Variants in RPL8 observed in about 807,000 individuals in gnomAD.
RPL8 encodes the protein large ribosomal subunit protein uL2.
For missense variants in RPL8, 248 were observed against 365.9 expected (o/e 0.68, Z 2.63); for synonymous variants, 182 against 143.2 (o/e 1.27, Z -1.94).
At position 144,792,380 on chromosome 8, in the gene RPL8, G is replaced by A. The variant is rs1266936034; in HGVS notation, c.-251C>T. 2 of 654,804 alleles carry A rather than the reference G, an allele frequency of 3.1e-6. No individual in the cohort carries two copies. The highest frequency in any genetic ancestry group is 3.6e-5 in the East Asian group (1 of 27,440). The allele number at this position is 654,804 out of a possible 1,614,324, so 40.6% of individuals were successfully genotyped here. ...GGATGACCTACCTGTTCACCAGCGC[G>A]GCCGAAAGAGGAAACACGGCGTCAG... On this transcript the variant is annotated 5_prime_UTR_variant, in exon 1 of 5. Coordinates refer to ENST00000528957, the MANE Select transcript of RPL8 (RefSeq NM_001317782.2).
Position 144,789,777 on chromosome 8 carries a change from A to G in RPL8, c.*27T>C. On this transcript the variant is annotated 3_prime_UTR_variant, in exon 5 of 5. Transcript: ENST00000528957. ...GGGTGGGCACAGCCAGGTGGCATAA[A>G]CACAAACTTTATTGAGGCCCTCAGC... 1 of 1,613,366 alleles carries G rather than the reference A, an allele frequency of 6.2e-7. No homozygotes were observed. The highest frequency in any genetic ancestry group is 8.5e-7 in the Non-Finnish European group (1 of 1,179,800).
At chr8:144,791,186 C>T in intron 3 of RPL8, 91 bp downstream of exon 3, 1 of 1,305,932 alleles carries the variant, frequency 7.7e-7, no homozygotes, top group Non-Finnish European at 1.1e-6. Context: ...TAATCGAATT[C>T]CAGGGACCAA....
chr8:144,791,687 T>C, intron 2 of RPL8, 86 bp downstream of exon 2: 1 of 1,587,488 alleles, frequency 6.3e-7, no homozygotes, highest in African/African-American at 1.3e-5. Context: ...CCTGCGAGGT[T>C]CCCATATCGG....
rs1261039874 is a variant in RPL8 at position 144,792,183 on chromosome 8, C to G, written c.-54G>C. Reference sequence around the variant, plus strand: ...TTAGCGCGGCCGGGCGGCCCGGGTACCCCCGCCAGCCCGGCTTTCCGGGAC... The same window carrying G: ...TTAGCGCGGCCGGGCGGCCCGGGTAGCCCCGCCAGCCCGGCTTTCCGGGAC... On this transcript the variant is annotated 5_prime_UTR_variant, in exon 1 of 5. Transcript: ENST00000528957. 2.1e-6 allele frequency: 3 copies of G among 1,432,410 alleles called. No homozygotes were observed. Among genetic ancestry groups the G allele is most frequent in the South Asian group, 1.5e-5 (1 of 67,630 alleles). The allele number at this position is 1,432,410 out of a possible 1,614,324, so 88.7% of individuals were successfully genotyped here. A position where few individuals can be genotyped will look rare whatever the true frequency, so the allele number is the denominator to read the frequency against.
chr8:144,792,140 C>T lies in RPL8; in HGVS notation c.-11G>A, dbSNP rs747305668. The T allele has an allele frequency of 2.0e-6, 3 of 1,493,320 alleles. 1 individual carries two copies. Among genetic ancestry groups the T allele is most frequent in the South Asian group, 2.6e-5 (2 of 76,688 alleles). 92.5% of individuals were successfully genotyped at this position (1,493,320 alleles called of 1,614,324 possible). ...GATCACACGGCCCATGGCGACGGGT[C>T]CTGGGGGCGACTCACGATTAGCGCG... is the stretch of plus-strand genomic sequence containing the variant. On this transcript the variant is annotated 5_prime_UTR_variant, in exon 1 of 5. Coordinates refer to ENST00000528957, the MANE Select transcript of RPL8 (RefSeq NM_001317782.2).
Position 144,791,454 on chromosome 8 carries a change from G to C in RPL8, c.322C>G (p.Pro108Ala), listed in dbSNP as rs1446561130. ...IGNVLPVGTM[P>A]EGTIVCCLEE... The stretch of plus-strand genomic sequence containing the variant: ...AGGCAGCACACGATTGTACCCTCAG[G>C]CATGGTGCCCACAGGGAGCACATTG... Residue 108 changes from proline to alanine, a missense_variant, in exon 3 of 5, where the codon CCT (proline) becomes GCT (alanine). Transcript: ENST00000528957. 1 of 1,613,908 alleles carries C rather than the reference G, an allele frequency of 6.2e-7. No homozygotes were observed. Among genetic ancestry groups the C allele is most frequent in the Non-Finnish European group, 8.5e-7 (1 of 1,180,026 alleles).
At chr8:144,790,760 C>T in intron 3 of RPL8, 1 of 634,058 alleles carries the variant, frequency 1.6e-6, no homozygotes, top group East Asian at 3.2e-5. Flanking sequence ...GCCGGCCACT[C>T]AACCTGACGT....
Position 144,791,432 on chromosome 8 carries a change from C to A in RPL8, c.344G>T (p.Cys115Phe), listed in dbSNP as rs779382186. The A allele has an allele frequency of 1.2e-6, 2 of 1,613,984 alleles. No individual in the cohort carries two copies. The highest frequency in any genetic ancestry group is 8.5e-7 in the Non-Finnish European group (1 of 1,180,034). ...ACGGTCTCCAGGCTTCTCCTCCAGG[C>A]AGCACACGATTGTACCCTCAGGCAT... ...GTMPEGTIVC[C>F]LEEKPGDRGK... Residue 115 changes from cysteine (C) to phenylalanine (F), a missense_variant, in exon 3 of 5, where the codon TGC (cysteine) becomes TTC (phenylalanine). By Grantham distance (205) the Cys-to-Phe change is radical (BLOSUM62 -2). Transcript: ENST00000528957.
chr8:144,792,194 C>T lies in RPL8; in HGVS notation c.-65G>A. 7.0e-7 allele frequency: 1 copy of T among 1,418,980 alleles called. No homozygotes were observed. The highest frequency in any genetic ancestry group is 9.1e-7 in the Non-Finnish European group (1 of 1,095,050). 87.9% of individuals were successfully genotyped at this position (1,418,980 alleles called of 1,614,324 possible). On this transcript the variant is annotated 5_prime_UTR_variant, in exon 1 of 5. Coordinates refer to ENST00000528957, the MANE Select transcript of RPL8 (RefSeq NM_001317782.2). ...GGGCGGCCCGGGTACCCCCGCCAGCCCGGCTTTCCGGGACCCCGCCCCCGA... is the reference window on the plus strand; with the variant it reads ...GGGCGGCCCGGGTACCCCCGCCAGCTCGGCTTTCCGGGACCCCGCCCCCGA...
intron 4 of RPL8, 83 bp downstream of exon 4, chr8:144,790,272 G>T: frequency 8.7e-7 from 1 of 1,153,870 alleles, no homozygotes; most frequent in South Asian, 1.3e-5. Context: ...CTCCTGCAGG[G>T]ACACCTGTGG....
Position 144,792,266 on chromosome 8 carries a change from C to A in RPL8, c.-137G>T, listed in dbSNP as rs377249108. ...CTACCCTCTCCGCGGGCGCCCGCAC[C>A]GGCATCCTCTCAGGAGGGCCGGTCC... On this transcript the variant is annotated 5_prime_UTR_variant, in exon 1 of 5. Coordinates refer to ENST00000528957, the MANE Select transcript of RPL8 (RefSeq NM_001317782.2). 10 of 1,257,196 alleles carry A rather than the reference C, an allele frequency of 8.0e-6. No individual in the cohort carries two copies. In the East Asian group the frequency reaches 1.2e-4, roughly 15 times the overall value. The allele number at this position is 1,257,196 out of a possible 1,614,324, so 77.9% of individuals were successfully genotyped here.
rs374386041 is a variant in RPL8 at position 144,791,751 on chromosome 8, C to G, written c.280+22G>C. 115 of 1,612,752 alleles carry G rather than the reference C, an allele frequency of 7.1e-5. No homozygotes were observed. The African/African-American group carries it at 1.5e-3, about 21-fold the overall frequency. On this transcript the variant is annotated intron_variant, in intron 2 of 4. Transcript: ENST00000528957. ...CCAGACCCCTCCCCACCCCGACCTT[C>G]CTTCCCCGCCGCGATGCTAACCCTT...
Position 144,791,758 on chromosome 8 carries a change from C to T in RPL8, c.280+15G>A, listed in dbSNP as rs555601757. ...CCTCCCCACCCCGACCTTCCTTCCC[C>T]GCCGCGATGCTAACCCTTCTTGCCG... On this transcript the variant is annotated intron_variant, in intron 2 of 4. Transcript: ENST00000528957. 3.1e-6 allele frequency: 5 copies of T among 1,613,260 alleles called. No homozygotes were observed. Among genetic ancestry groups the T allele is most frequent in the East Asian group, 2.2e-5 (1 of 44,872 alleles).
Position 144,789,968 on chromosome 8 carries a change from G to C in RPL8, c.616-6C>G. On this transcript the variant is annotated splice_region_variant and splice_polypyrimidine_tract_variant and intron_variant, in intron 4 of 4. Coordinates refer to ENST00000528957, the MANE Select transcript of RPL8 (RefSeq NM_001317782.2). ...CCAAAAGGATGCTCCACAGGCTGCAGGCAGAGAAAGATGGCTTTAGAAACC... is the reference window on the plus strand; with the variant it reads ...CCAAAAGGATGCTCCACAGGCTGCACGCAGAGAAAGATGGCTTTAGAAACC... 1 of 1,604,294 alleles carries C rather than the reference G, an allele frequency of 6.2e-7. No individual in the cohort carries two copies. Among genetic ancestry groups the C allele is most frequent in the Non-Finnish European group, 8.5e-7 (1 of 1,175,114 alleles).
At chr8:144,790,032 C>A in intron 4 of RPL8, 70 bp from the exon 5 acceptor site, 8 of 1,496,122 alleles carry the variant, frequency 5.3e-6, no homozygotes, top group Non-Finnish European at 7.1e-6. Flanking sequence ...CGGGGTCCCA[C>A]CCGTCAGGGG....
chr8:144,791,415 C>T lies in RPL8; in HGVS notation c.361G>A (p.Gly121Arg), dbSNP rs1826510156. 1.2e-6 allele frequency: 2 copies of T among 1,613,882 alleles called. No homozygotes were observed. ...GCCCGGGCCAGCTTGCCACGGTCTC[C>T]AGGCTTCTCCTCCAGGCAGCACACG... ...TIVCCLEEKP[G>R]DRGKLARASG... Residue 121 changes from glycine (G) to arginine (R), a missense_variant, in exon 3 of 5, where the codon GGA (glycine) becomes AGA (arginine). Coordinates refer to ENST00000528957, the MANE Select transcript of RPL8 (RefSeq NM_001317782.2).
At chr8:144,790,258 C>T in intron 4 of RPL8, 97 bp downstream of exon 4, 1 of 1,018,872 alleles carries the variant, frequency 9.8e-7, no homozygotes, top group East Asian at 2.4e-5. Flanking sequence ...CACCGTAGAT[C>T]CCCCTCCTGC....
Position 144,792,388 on chromosome 8 carries a change from G to C in RPL8, c.-259C>G, listed in dbSNP as rs527403979. ...TACCTGTTCACCAGCGCGGCCGAAA[G>C]AGGAAACACGGCGTCAGCGAGCGGC... is the stretch of plus-strand genomic sequence containing the variant. On this transcript the variant is annotated 5_prime_UTR_variant, in exon 1 of 5. Coordinates refer to ENST00000528957, the MANE Select transcript of RPL8 (RefSeq NM_001317782.2). 17 of 672,368 alleles carry C rather than the reference G, an allele frequency of 2.5e-5. No individual in the cohort carries two copies. Among genetic ancestry groups the C allele is most frequent in the East Asian group, 1.1e-4 (3 of 27,318 alleles). The allele number at this position is 672,368 out of a possible 1,614,324, so 41.7% of individuals were successfully genotyped here.
In RPL8 at chr8:144,792,054, C is replaced by T. The variant is rs1441673560; in HGVS notation, c.76G>A (p.Ala26Thr). ...FRAHVKHRKG[A>T]ARLRAVDFAE... ...AAATCCACGGCGCGCAGGCGCGCAG[C>T]GCCTTTACGGTGCTTCACGTGCGCG... The change falls in exon 1 of 5, where the codon GCT becomes ACT. Residue 26 changes from alanine to threonine, a missense_variant. Coordinates refer to ENST00000528957, the MANE Select transcript of RPL8 (RefSeq NM_001317782.2). The T allele has an allele frequency of 5.0e-6, 8 of 1,608,594 alleles. No homozygotes were observed. Among genetic ancestry groups the T allele is most frequent in the Non-Finnish European group, 6.8e-6 (8 of 1,178,414 alleles).
Sources: allele counts gnomAD v4.1 joint callset, GRCh38; gene constraint gnomAD v4.1.1; transcripts MANE v1.5; gene names NCBI Gene and HGNC (gene_info 2026-07-23, HGNC 2026-07-21).